Variants in PEX5L observed in about 807,000 individuals in gnomAD.
PEX5L encodes the protein peroxisomal biogenesis factor 5 like, also known as PEX5-related protein.
A neutral mutation model predicts 84.0 loss-of-function variants in PEX5L; 30 were observed. That is an observed-to-expected ratio of 0.36 (90% CI 0.27 to 0.48). The LOEUF is 0.48. Ranked by LOEUF, PEX5L falls within the 20% of genes least tolerant of loss-of-function variation. PEX5L has a pLI of 0.99. For synonymous variants in PEX5L, 270 were observed against 283.1 expected, an observed-to-expected ratio of 0.95 and a Z score of 0.46; for missense variants, 533 against 754.6, an observed-to-expected ratio of 0.71 and a Z score of 3.44.
At chr3:179,860,531 G>A (rs1309020619) in intron 7 of PEX5L, among the ~76,000 whole-genome samples, 1 of 152,166 alleles carries the variant, frequency 6.6e-6, no homozygotes. Context: ...AAGCGCCTCT[G>A]GTAATTCTGA....
At chr3:179,874,568 T>C in intron 6 of PEX5L, 145 bp from the exon 7 acceptor site, 2 of 538,848 alleles carry the variant, frequency 3.7e-6, no homozygotes, top group East Asian at 3.2e-5. Flanking sequence ...ATAAGTTTCA[T>C]GTATTTCTAT....
intron 1 of PEX5L, among the ~76,000 whole-genome samples, chr3:179,999,274 G>A (rs1332077481): frequency 2.0e-5 from 3 of 152,190 alleles, no homozygotes; most frequent in Non-Finnish European, 2.9e-5. Flanking sequence ...TCACCAATGG[G>A]TGACCTCAGC....
chr3:179,904,931 A>G (rs1361312265), intron 2 of PEX5L, among the ~76,000 whole-genome samples: 2 of 152,092 alleles, frequency 1.3e-5, no homozygotes, highest in Non-Finnish European at 2.9e-5. Flanking sequence ...CTGCATGCCC[A>G]TCATGGCTCT....
At chr3:179,805,168 T>C (rs1009400992) in intron 14 of PEX5L, among the ~76,000 whole-genome samples, 7 of 145,922 alleles carry the variant, frequency 4.8e-5, no homozygotes, top group African/African-American at 1.9e-4. Context: ...TTTTTTTTTT[T>C]TCAGGAAAAA....
chr3:179,933,978 G>T (rs1334976563), intron 2 of PEX5L, among the ~76,000 whole-genome samples: 2 of 152,346 alleles, frequency 1.3e-5, no homozygotes, highest in African/African-American at 4.8e-5. Flanking sequence ...TGGGAAGGTT[G>T]TGCCAGGACT....
At chr3:179,911,080 C>G (rs1012411584) in intron 2 of PEX5L, among the ~76,000 whole-genome samples, 2 of 152,158 alleles carry the variant, frequency 1.3e-5, no homozygotes, top group Non-Finnish European at 2.9e-5. Flanking sequence ...AGAAAAATTC[C>G]AGTGGTTTTG....
intron 1 of PEX5L, among the ~76,000 whole-genome samples, chr3:179,982,037 G>A: frequency 6.6e-6 from 1 of 152,156 alleles, no homozygotes; most frequent in East Asian, 1.9e-4. Flanking sequence ...AATTGAGGTG[G>A]CATATTTAAA....
chr3:179,811,335 T>G (rs1723763799), intron 11 of PEX5L, among the ~76,000 whole-genome samples: 1 of 151,988 alleles, frequency 6.6e-6, no homozygotes, highest in Non-Finnish European at 1.5e-5. Flanking sequence ...TGGAAGTCTA[T>G]TTGGCAGAGG....
chr3:179,830,200 T>A (rs991597944), intron 8 of PEX5L, among the ~76,000 whole-genome samples: 4 of 152,072 alleles, frequency 2.6e-5, no homozygotes, highest in African/African-American at 9.7e-5. Flanking sequence ...AAAAAACCTG[T>A]TTCATTTTGG....
intron 2 of PEX5L, among the ~76,000 whole-genome samples, chr3:179,959,101 C>A (rs868603597): frequency 2.0e-5 from 3 of 152,046 alleles, no homozygotes; most frequent in Admixed American, 1.3e-4. Context: ...TGGGCCCCAC[C>A]TCCAGAGTCT....
chr3:179,811,468 T>C (rs1220620141), intron 11 of PEX5L, among the ~76,000 whole-genome samples: 1 of 152,182 alleles, frequency 6.6e-6, no homozygotes, highest in Non-Finnish European at 1.5e-5. Context: ...CCACTTATTT[T>C]TTTTGAAGAA....
At chr3:179,854,561 G>A (rs1273693843) in intron 8 of PEX5L, among the ~76,000 whole-genome samples, 1 of 152,148 alleles carries the variant, frequency 6.6e-6, no homozygotes, top group Non-Finnish European at 1.5e-5. Context: ...AAATCTGTAT[G>A]CTTCAGGCAG....
At chr3:179,905,002 C>A (rs1762656508) in intron 2 of PEX5L, among the ~76,000 whole-genome samples, 1 of 152,176 alleles carries the variant, frequency 6.6e-6, no homozygotes, top group Admixed American at 6.5e-5. Context: ...TTAAGGAAAT[C>A]TTTCCTAACA....
intron 1 of PEX5L, among the ~76,000 whole-genome samples, chr3:180,035,366 CTTCA>C (rs923843026): frequency 2.6e-5 from 4 of 152,014 alleles, no homozygotes; most frequent in African/African-American, 9.7e-5. Context: ...TAAAAATATA[CTTCA>C]TTCACTACTT....
chr3:179,804,844 T>C (rs1990740), intron 14 of PEX5L, among the ~76,000 whole-genome samples: 142,338 of 152,252 alleles, frequency 0.93, 66,664 homozygotes, highest in African/African-American at 0.98. Flanking sequence ...TCTCGCCGGG[T>C]GTAGTGGCTC....
intron 7 of PEX5L, among the ~76,000 whole-genome samples, chr3:179,871,877 CT>C (rs1403479116): frequency 1.3e-5 from 2 of 152,118 alleles, no homozygotes; most frequent in African/African-American, 4.8e-5. Flanking sequence ...TTTAATTTGG[CT>C]AACGTTTTTC....
chr3:179,905,024 C>A (rs74412576), intron 2 of PEX5L, among the ~76,000 whole-genome samples: 3,872 of 152,258 alleles, frequency 0.025, 171 homozygotes, highest in African/African-American at 0.089. Flanking sequence ...TACTCACAAG[C>A]CTTTGAAACA....
intron 8 of PEX5L, among the ~76,000 whole-genome samples, chr3:179,839,061 C>T (rs1032922641): frequency 4.7e-5 from 7 of 149,862 alleles, no homozygotes; most frequent in East Asian, 1.9e-4. Context: ...ATTTTTTTTT[C>T]GGTAGAAAGA....
At chr3:179,861,474 C>T (rs922724915) in intron 7 of PEX5L, among the ~76,000 whole-genome samples, 4 of 152,166 alleles carry the variant, frequency 2.6e-5, no homozygotes, top group African/African-American at 9.7e-5. Flanking sequence ...ATGCAAGGCC[C>T]GCAGGCAGCA....
Sources: gnomAD v4.1 joint callset for allele counts (sites outside exome capture counted in the v4.1 genomes callset) on GRCh38, gnomAD v4.1.1 for gene constraint, MANE v1.5 for transcripts, NCBI Gene and HGNC (gene_info 2026-07-23, HGNC 2026-07-21) for gene names.